Variants in KLC1 observed in about 807,000 individuals in gnomAD.
The protein encoded by KLC1 is kinesin light chain 1.
KLC1 carries 30 observed loss-of-function variants against 84.2 expected under a neutral mutation model. The ratio of observed to expected loss-of-function variants is 0.36; its 90% CI spans 0.27 to 0.48. The LOEUF is 0.48. Among genes scored for constraint, KLC1 ranks in the 20% least tolerant of loss-of-function variants. The pLI is 0.99. For synonymous variants in KLC1, 289 were observed against 293.3 expected, an observed-to-expected ratio of 0.99 and a Z score of 0.15; for missense variants, 499 against 805.4, an observed-to-expected ratio of 0.62 and a Z score of 4.60.
intron 3 of KLC1, among the ~76,000 whole-genome samples, chr14:103,658,213 T>G (rs1401188044): frequency 6.6e-6 from 1 of 152,214 alleles, no homozygotes; most frequent in Admixed American, 6.5e-5. Context: ...TGGCTTCCCT[T>G]GCCAGCTTAT....
chr14:103,663,812 C>T (rs939854776), intron 5 of KLC1, among the ~76,000 whole-genome samples: 16 of 151,962 alleles, frequency 1.1e-4, no homozygotes, highest in African/African-American at 2.4e-4. Flanking sequence ...TTGAGGTTGT[C>T]GGGGTGGGGC....
At chr14:103,662,242 G>A (rs1394752408) in intron 4 of KLC1, 48 bp downstream of exon 4, 8 of 1,426,814 alleles carry the variant, frequency 5.6e-6, no homozygotes, top group Non-Finnish European at 6.9e-6. Context: ...GAAGAGAGGT[G>A]TTCCTCCTAG....
At position 103,662,750 on chromosome 14, in the gene KLC1, A is replaced by G. The variant is rs2079401938; in HGVS notation, c.620A>G (p.Tyr207Cys). Residue 207 changes from tyrosine to cysteine, a missense_variant, in exon 5 of 17, where the codon TAC becomes TGC. By Grantham distance (194) the Tyr-to-Cys change is radical. This residue lies in a region of KLC1 where 179 missense variants were observed against 264.2 expected (regional missense o/e 0.68). Transcript: ENST00000334553. ...SAAAAAQQGG[Y>C]EIPARLRTLH... is the part of the protein sequence containing the mutation. ...GCCGCGGCTGCCCAGCAGGGCGGCT[A>G]CGAGATCCCCGCGCGGCTGCGGACG... The G allele has an allele frequency of 6.2e-7, 1 of 1,610,446 alleles. No homozygotes were observed. The highest frequency in any genetic ancestry group is 8.5e-7 in the Non-Finnish European group (1 of 1,178,538).
At chr14:103,648,008 T>C (rs2078090011) in intron 1 of KLC1, among the ~76,000 whole-genome samples, 1 of 150,234 alleles carries the variant, frequency 6.7e-6, no homozygotes, top group South Asian at 2.2e-4. Flanking sequence ...TGGAGTGCAG[T>C]GGCGCGATCT....
chr14:103,663,746 G>A (rs903552291), intron 5 of KLC1, among the ~76,000 whole-genome samples: 5 of 152,148 alleles, frequency 3.3e-5, no homozygotes, highest in Non-Finnish European at 5.9e-5. Context: ...TTGGCTCAGT[G>A]CCTAGGATGC....
chr14:103,658,939 G>A (rs1020190768), intron 3 of KLC1, among the ~76,000 whole-genome samples: 3 of 151,580 alleles, frequency 2.0e-5, no homozygotes, highest in Non-Finnish European at 4.4e-5. Flanking sequence ...TTACAGGTGT[G>A]AGCCACTGCG....
At chr14:103,695,795 G>A in intron 15 of KLC1, 1 of 985,398 alleles carries the variant, frequency 1.0e-6, no homozygotes, top group Non-Finnish European at 1.2e-6. Context: ...ACTGTGTGTT[G>A]GGGTAAGAGA....
Position 103,694,588 on chromosome 14 carries a change from CAG to C in KLC1, c.1848+2165_1848+2166del. On this transcript the variant is annotated intron_variant, in intron 15 of 16. Coordinates refer to ENST00000334553, the MANE Select transcript of KLC1 (RefSeq NM_001394837.1). This position sits in a 1 kb window ranked among gnomAD's most constrained non-coding sequence, Gnocchi z 4.5. ...GTCCATAGGTAAAGAGCATACAAAA[CAG>C]ACGCCGAGGTGATCAGTGATTCCAA... is the stretch of plus-strand genomic sequence containing the variant. 4.1e-6 allele frequency: 4 copies of C among 985,488 alleles called. No individual in the cohort carries two copies. Among genetic ancestry groups the C allele is most frequent in the Non-Finnish European group, 4.8e-6 (4 of 829,950 alleles). The allele number at this position is 985,488 out of a possible 1,614,324, so 61.0% of individuals were successfully genotyped here.
chr14:103,659,557 C>T lies in KLC1; in HGVS notation c.492+1781C>T, dbSNP rs138383049. Among the ~76,000 whole-genome samples, 470 of 152,316 alleles carry T rather than the reference C, an allele frequency of 3.1e-3. 2 individuals are homozygous for T. Among genetic ancestry groups the T allele is most frequent in the Admixed American group, 5.0e-3 (76 of 15,302 alleles). ...CAGGCCTTCCACTAGTATCTCTTTTCTGTGCTAGGACCTAGTCCAGTGTTC... is the reference window on the plus strand; with the variant it reads ...CAGGCCTTCCACTAGTATCTCTTTTTTGTGCTAGGACCTAGTCCAGTGTTC... On this transcript the variant is annotated intron_variant, in intron 3 of 16. Transcript: ENST00000334553.
Position 103,662,817 on chromosome 14 carries a change from C to T in KLC1, c.687C>T (p.Tyr229=), listed in dbSNP as rs149342105. The T allele has an allele frequency of 4.4e-5, 71 of 1,613,228 alleles. No homozygotes were observed. The African/African-American group carries it at 5.3e-4, about 12-fold the overall frequency. ...TCCAGTACGCCTCGCAGGGGCGCTA[C>T]GAGGTAGCTGTGCCCCTCTGCAAGC... The part of the protein sequence containing the change: ...LVIQYASQGR[Y]EVAVPLCKQA... The change falls in exon 5 of 17, where the codon TAC becomes TAT. Residue 229 remains tyrosine, a synonymous_variant. Transcript: ENST00000334553.
chr14:103,698,906 T>TGGGCAGCCGA, intron 15 of KLC1: 1 of 1,601,886 alleles, frequency 6.2e-7, no homozygotes, highest in Non-Finnish European at 8.5e-7. Flanking sequence ...GGGTCCGGGC[T>TGGGCAGCCGA]GGGCAGCCGA....
In KLC1 at chr14:103,642,419, A is replaced by C. The variant is rs578241959; in HGVS notation, c.-1-12145A>C. Among the ~76,000 whole-genome samples, 81 of 152,274 alleles carry C rather than the reference A, an allele frequency of 5.3e-4. No individual in the cohort carries two copies. In the Middle Eastern group the frequency reaches 0.01, roughly 19 times the overall value. On this transcript the variant is annotated intron_variant, in intron 1 of 16. Transcript: ENST00000334553. Reference sequence around the variant, plus strand: ...TAGTTTTGAGACATATGGGCAAGGTATTTTGTACAATGTCCTTAAATTTGG... The same window carrying C: ...TAGTTTTGAGACATATGGGCAAGGTCTTTTGTACAATGTCCTTAAATTTGG...
At chr14:103,674,540 G>A (rs1485171368) in intron 9 of KLC1, among the ~76,000 whole-genome samples, 6 of 151,456 alleles carry the variant, frequency 4.0e-5, no homozygotes, top group South Asian at 2.1e-4. Flanking sequence ...TCAGCCTCCC[G>A]AGTAGCTGGG....
intron 14 of KLC1, among the ~76,000 whole-genome samples, chr14:103,690,411 C>T (rs2082029813): frequency 6.6e-6 from 1 of 152,128 alleles, no homozygotes; most frequent in African/African-American, 2.4e-5. Context: ...TAAGGAAATT[C>T]AGGTCTTGCT....
intron 13 of KLC1, chr14:103,683,622 T>C (rs1170306140): frequency 2.7e-5 from 4 of 146,824 alleles, no homozygotes; most frequent in South Asian, 2.1e-4. Context: ...TCCCATCCTC[T>C]GTAAAGACAC....
At chr14:103,673,959 T>G (rs2080654440) in intron 9 of KLC1, among the ~76,000 whole-genome samples, 6 of 151,172 alleles carry the variant, frequency 4.0e-5, no homozygotes. Context: ...AAGTGACTTG[T>G]GTGAGGCCCC....
chr14:103,672,302 C>T (rs12432994), intron 7 of KLC1, among the ~76,000 whole-genome samples: 34,139 of 152,130 alleles, frequency 0.22, 4,213 homozygotes, highest in East Asian at 0.49. Context: ...GGAGAGAACT[C>T]ATCACTTGTT....
chr14:103,632,763 G>A (rs983322552), intron 1 of KLC1, among the ~76,000 whole-genome samples: 6 of 152,068 alleles, frequency 3.9e-5, no homozygotes, highest in African/African-American at 1.4e-4. Context: ...CTGTCCTCTA[G>A]GAGCTCACAG....
intron 1 of KLC1, among the ~76,000 whole-genome samples, chr14:103,649,051 C>T (rs184404119): frequency 7.2e-5 from 11 of 152,068 alleles, no homozygotes; most frequent in African/African-American, 2.2e-4. Context: ...GTGGGAGGAT[C>T]GCTTGAGCCC....
Sources: allele counts gnomAD v4.1 joint callset (sites outside exome capture counted in the v4.1 genomes callset), GRCh38; gene constraint gnomAD v4.1.1; regional missense constraint gnomAD v4.1.1; non-coding constraint Gnocchi (gnomAD v3.1); transcripts MANE v1.5; gene names NCBI Gene and HGNC (gene_info 2026-07-23, HGNC 2026-07-21).